Variants in STYXL2 observed in about 807,000 individuals in gnomAD.
The protein encoded by STYXL2 is serine/threonine/tyrosine-interacting-like protein 2.
Under a neutral mutation model 52.4 loss-of-function variants are expected in STYXL2, and 44 were observed. The ratio of observed to expected loss-of-function variants is 0.84; its 90% confidence interval spans 0.66 to 1.08. The LOEUF (loss-of-function observed/expected upper bound fraction) is 1.08. Ranked by LOEUF, STYXL2 falls within the 50% of genes least tolerant of loss-of-function variation. The pLI is 0.00. For synonymous variants in STYXL2, 604 were observed against 586.9 expected (o/e 1.03, Z -0.42); for missense variants, 1,604 against 1,471.7 (o/e 1.09, Z -1.47).
In STYXL2 at chr1:167,128,857, C is replaced by T. The variant is rs1558029727; in HGVS notation, c.*249C>T. The stretch of plus-strand genomic sequence containing the variant: ...ACTGATACCATTTTCTGTTGCTCAG[C>T]GCCCTCTAAGCTTTGGTGTTTCACT... On this transcript the variant is annotated 3_prime_UTR_variant, in exon 6 of 6. Coordinates refer to ENST00000361200, the MANE Select transcript of STYXL2 (RefSeq NM_001080426.3). 3 of 533,566 alleles carry T rather than the reference C, an allele frequency of 5.6e-6. No homozygotes were observed. The highest frequency in any genetic ancestry group is 3.4e-5 in the East Asian group (1 of 29,256). 33.1% of individuals were successfully genotyped at this position (533,566 alleles called of 1,614,324 possible).
Position 167,094,911 on chromosome 1 carries a change from A to C in STYXL2, c.62A>C (p.Asn21Thr). Residue 21 changes from asparagine (N) to threonine (T), a missense_variant, in exon 2 of 6, where the codon AAC becomes ACC. By Grantham distance (65) the Asn-to-Thr change is moderately conservative. Coordinates refer to ENST00000361200, the MANE Select transcript of STYXL2 (RefSeq NM_001080426.3). ...QVVPSEEDEA[N>T]VRAVQAHYLR... ...GTCCCAAGCGAGGAGGACGAAGCCAACGTGAGGGCGGTGCAGGCCCACTAC... is the reference window on the plus strand; with the variant it reads ...GTCCCAAGCGAGGAGGACGAAGCCACCGTGAGGGCGGTGCAGGCCCACTAC... 6.2e-7 allele frequency: 1 copy of C among 1,612,776 alleles called. No individual in the cohort carries two copies. The highest frequency in any genetic ancestry group is 8.5e-7 in the Non-Finnish European group (1 of 1,179,680).
intron 2 of STYXL2, among the ~76,000 whole-genome samples, chr1:167,106,039 G>A (rs937650739): frequency 6.6e-6 from 1 of 152,194 alleles, no homozygotes; most frequent in Admixed American, 6.5e-5. Context: ...AAGGAAAGAT[G>A]TTTCACAGAG....
rs112184851 is a variant in STYXL2, at chr1:167,121,428, C to T, written c.655+1962C>T. Among the ~76,000 whole-genome samples the T allele has an allele frequency of 2.4e-4, 37 of 152,366 alleles. No homozygotes were observed. The East Asian group carries it at 7.1e-3, about 29-fold the overall frequency. On this transcript the variant is annotated intron_variant, in intron 5 of 5. Transcript: ENST00000361200. ...CTCGCTCGCAGGTCCTGGAGCGCAC[C>T]GGCAGACCTCGAGGCGGAGCGGGTA...
intron 5 of STYXL2, among the ~76,000 whole-genome samples, chr1:167,121,265 G>A (rs1473856380): frequency 1.3e-5 from 2 of 152,052 alleles, no homozygotes; most frequent in Admixed American, 6.6e-5. Flanking sequence ...CGCCCGCCTC[G>A]GCCTCCAAAA....
rs1668033347 is a variant in STYXL2 at position 167,128,850 on chromosome 1, TG to T, written c.*243del. On this transcript the variant is annotated 3_prime_UTR_variant, in exon 6 of 6. Transcript: ENST00000361200. ...CGGACCAACTGATACCATTTTCTGT[TG>T]CTCAGCGCCCTCTAAGCTTTGGTGT... 1 of 553,472 alleles carries T rather than the reference TG, an allele frequency of 1.8e-6. No homozygotes were observed. The highest frequency in any genetic ancestry group is 1.9e-5 in the African/African-American group (1 of 53,018). 34.3% of individuals were successfully genotyped at this position (553,472 alleles called of 1,614,324 possible). A position where few individuals can be genotyped will look rare whatever the true frequency, so the allele number is the denominator to read the frequency against.
chr1:167,113,944 C>T, intron 3 of STYXL2, 140 bp downstream of exon 3: 1 of 703,490 alleles, frequency 1.4e-6, no homozygotes, highest in Non-Finnish European at 2.5e-6. Flanking sequence ...GAAGGCAGTT[C>T]TGCCAACCCT....
rs1389475092 is a variant in STYXL2, at chr1:167,117,347, C to T, written c.225C>T (p.Val75=). The T allele has an allele frequency of 1.2e-6, 2 of 1,609,828 alleles. No individual in the cohort carries two copies. The highest frequency in any genetic ancestry group is 1.3e-5 in the African/African-American group (1 of 74,796). ...IINEELKPPG[V]RADAECPGML... The stretch of plus-strand genomic sequence containing the variant: ...CTCTAGAACTCAAGCCACCGGGGGT[C>T]AGAGCAGACGCAGAGTGTCCAGGCA... The change falls in exon 4 of 6, where the codon GTC becomes GTT. Residue 75 remains valine, a synonymous_variant. Coordinates refer to ENST00000361200, the MANE Select transcript of STYXL2 (RefSeq NM_001080426.3).
chr1:167,120,358 G>A (rs1198946340), intron 5 of STYXL2, among the ~76,000 whole-genome samples: 2 of 152,158 alleles, frequency 1.3e-5, no homozygotes, highest in African/African-American at 4.8e-5. Flanking sequence ...ATGTGACCTT[G>A]GGCCATTTCC....
intron 5 of STYXL2, among the ~76,000 whole-genome samples, chr1:167,121,946 C>G (rs1200613798): frequency 1.2e-4 from 19 of 152,196 alleles, no homozygotes; most frequent in Admixed American, 1.2e-3. Context: ...AGAATTACTC[C>G]CTGAGCCTTA....
chr1:167,119,224 A>G (rs1167576852), intron 4 of STYXL2, 25 bp from the exon 5 acceptor site: 3 of 1,610,838 alleles, frequency 1.9e-6, no homozygotes, highest in African/African-American at 2.7e-5. Context: ...GACTCTTGCA[A>G]ACAGGTCCCT....
intron 2 of STYXL2, among the ~76,000 whole-genome samples, chr1:167,104,154 C>A (rs1037692774): frequency 1.3e-5 from 2 of 152,194 alleles, no homozygotes; most frequent in African/African-American, 4.8e-5. Flanking sequence ...TAATGCAAAC[C>A]AACCTCTGCC....
intron 5 of STYXL2, among the ~76,000 whole-genome samples, chr1:167,121,703 A>G (rs1260882790): frequency 1.3e-5 from 2 of 152,236 alleles, no homozygotes; most frequent in Non-Finnish European, 2.9e-5. Context: ...AGCATACCCA[A>G]GGCGGGCTGG....
At chr1:167,109,156 G>T (rs1179229545) in intron 2 of STYXL2, among the ~76,000 whole-genome samples, 1 of 152,166 alleles carries the variant, frequency 6.6e-6, no homozygotes, top group African/African-American at 2.4e-5. Flanking sequence ...AGTGTAAATT[G>T]TCCAGGGCAG....
At position 167,126,193 on chromosome 1, in the gene STYXL2, G is replaced by A; in HGVS notation, c.1062G>A (p.Trp354Ter). 1.3e-6 allele frequency: 2 copies of A among 1,525,920 alleles called. No homozygotes were observed. Among genetic ancestry groups the A allele is most frequent in the Non-Finnish European group, 1.8e-6 (2 of 1,140,788 alleles). The allele number at this position is 1,525,920 out of a possible 1,614,324, so 94.5% of individuals were successfully genotyped here. The stretch of plus-strand genomic sequence containing the variant: ...AGGAGGAGAAACTGTACGAGCAGTG[G>A]AAGAAGGGGCAGGGCCTCCTCTCAG... ...EEEEEKLYEQ[W>*]KKGQGLLSDK... The change falls in exon 6 of 6, where the codon TGG becomes TGA. Residue 354 changes from tryptophan (W) to a stop codon, truncating the protein, a stop_gained. Transcript: ENST00000361200. LOFTEE classifies it low-confidence loss of function (END_TRUNC).
intron 3 of STYXL2, among the ~76,000 whole-genome samples, chr1:167,117,048 A>C (rs1441241374): frequency 1.3e-5 from 2 of 152,214 alleles, no homozygotes; most frequent in Admixed American, 6.5e-5. Flanking sequence ...GGTCTAAAAA[A>C]TTATCGACCA....
chr1:167,115,277 AG>A (rs1667701733), intron 3 of STYXL2, among the ~76,000 whole-genome samples: 1 of 152,230 alleles, frequency 6.6e-6, no homozygotes, highest in Non-Finnish European at 1.5e-5. Context: ...TAGTGATTAC[AG>A]GGGTAAAAAT....
chr1:167,126,469 C>A lies in STYXL2; in HGVS notation c.1338C>A (p.His446Gln). The A allele has an allele frequency of 6.3e-7, 1 of 1,598,314 alleles. No homozygotes were observed. Among genetic ancestry groups the A allele is most frequent in the Non-Finnish European group, 8.5e-7 (1 of 1,172,708 alleles). ...GCGCCTGGGAGAGCGTGAGCAGCCA[C>A]GACATCTGGGTCCTGAAGCAGCAGC... ...ESSAWESVSS[H>Q]DIWVLKQQLE... Residue 446 changes from histidine to glutamine, a missense_variant, in exon 6 of 6, where the codon CAC (histidine) becomes CAA (glutamine). Physicochemically the swap from His to Gln is conservative, Grantham distance 24. Transcript: ENST00000361200.
Position 167,127,577 on chromosome 1 carries a change from G to C in STYXL2, c.2446G>C (p.Val816Leu), listed in dbSNP as rs1291665972. The stretch of plus-strand genomic sequence containing the variant: ...ACCCGCGGAAAGTTGCAGAAGCAAA[G>C]TGAGGGGGACCAGCAAGCCCATCTT... ...SSPAESCRSK[V>L]RGTSKPIFSL... The change falls in exon 6 of 6, where the codon GTG (valine) becomes CTG (leucine). Residue 816 changes from valine to leucine, a missense_variant. Physicochemically the swap from Val to Leu is conservative, Grantham distance 32. Transcript: ENST00000361200. 5 of 1,614,204 alleles carry C rather than the reference G, an allele frequency of 3.1e-6. No homozygotes were observed. In the East Asian group the frequency reaches 1.1e-4, roughly 36 times the overall value.
chr1:167,125,103 A>C (rs1211344657), intron 5 of STYXL2, among the ~76,000 whole-genome samples: 1 of 152,278 alleles, frequency 6.6e-6, no homozygotes, highest in Non-Finnish European at 1.5e-5. Flanking sequence ...AGAATATGAT[A>C]GCAATCTTGT....
Sources: allele counts gnomAD v4.1 joint callset (sites outside exome capture counted in the v4.1 genomes callset), GRCh38; gene constraint gnomAD v4.1.1; transcripts MANE v1.5; gene names NCBI Gene and HGNC (gene_info 2026-07-23, HGNC 2026-07-21).